CIROZ: variants seen among roughly 807,000 people sequenced by gnomAD.
CIROZ encodes the protein ciliated left-right organizer protein containing ZP-N domains, also known as ciliated left-right organizer ZP-N domains-containing protein.
At chr1:10,947,836 T>G in the CIROZ span, 1 of 1,602,210 alleles carries the variant, frequency 6.2e-7, no homozygotes, top group Non-Finnish European at 8.5e-7. Flanking sequence ...AACACTCCTG[T>G]GGGAGCCCAC....
At chr1:10,979,818 C>A in the CIROZ span, among the ~76,000 whole-genome samples, 1 of 152,152 alleles carries the variant, frequency 6.6e-6, no homozygotes, top group South Asian at 2.1e-4. Context: ...GAAGCGGAGG[C>A]GGGCGGATCA....
the CIROZ span, chr1:10,947,920 CA>C: frequency 5.0e-6 from 8 of 1,613,690 alleles, no homozygotes; most frequent in Non-Finnish European, 6.8e-6. Flanking sequence ...ACAGGCCAGC[CA>C]GGGGCTGACT....
At chr1:10,958,610 G>A in the CIROZ span, 1 of 1,364,038 alleles carries the variant, frequency 7.3e-7, no homozygotes, top group Non-Finnish European at 1.0e-6. Context: ...ACTCTCCGGA[G>A]GACAAGCAAA....
chr1:10,947,883 T>C, the CIROZ span: 4 of 1,612,536 alleles, frequency 2.5e-6, no homozygotes, highest in Non-Finnish European at 3.4e-6. Context: ...GCTGGACGTG[T>C]GTGCAACCCC....
the CIROZ span, chr1:10,949,458 A>T: frequency 1.2e-6 from 1 of 820,644 alleles, no homozygotes; most frequent in Non-Finnish European, 1.9e-6. Context: ...TATGGGAAAT[A>T]TTCTGAATTT....
the CIROZ span, among the ~76,000 whole-genome samples, chr1:10,961,743 A>G: frequency 6.6e-6 from 1 of 152,128 alleles, no homozygotes; most frequent in African/African-American, 2.4e-5. Context: ...CAGGAGTTCG[A>G]GACTAGCCTG....
At chr1:10,947,582 C>G in the CIROZ span, 9 of 1,207,872 alleles carry the variant, frequency 7.5e-6, no homozygotes, top group Non-Finnish European at 9.8e-6. Context: ...ACCTCCAGGC[C>G]GACCCATCAC....
At chr1:10,957,913 G>A in the CIROZ span, among the ~76,000 whole-genome samples, 1 of 152,202 alleles carries the variant, frequency 6.6e-6, no homozygotes, top group African/African-American at 2.4e-5. Flanking sequence ...TCTGGGAGGA[G>A]AGTCAACCAG....
chr1:10,954,623 C>T, the CIROZ span, among the ~76,000 whole-genome samples: 1 of 152,104 alleles, frequency 6.6e-6, no homozygotes, highest in Admixed American at 6.5e-5. Context: ...ACAGCTCTGC[C>T]CTCCACATTT....
At chr1:10,949,676 T>A in the CIROZ span, 1 of 1,606,510 alleles carries the variant, frequency 6.2e-7, no homozygotes, top group Non-Finnish European at 8.5e-7. Flanking sequence ...AAGCCATTCC[T>A]GGGCAGCTGG....
At chr1:10,953,492 C>A in the CIROZ span, among the ~76,000 whole-genome samples, 4 of 152,210 alleles carry the variant, frequency 2.6e-5, no homozygotes, top group Non-Finnish European at 5.9e-5. Context: ...AGCTGAGAAA[C>A]AAGTTGCATC....
chr1:10,957,509 G>T, the CIROZ span: 2 of 1,492,412 alleles, frequency 1.3e-6, no homozygotes, highest in Admixed American at 2.3e-5. Context: ...GTCCAGTCTC[G>T]CAGGTGGACA....
chr1:10,956,969 C>A, the CIROZ span: 80,293 of 1,427,634 alleles, frequency 0.056, 3,103 homozygotes, highest in East Asian at 0.2. Flanking sequence ...AGAAAACAGA[C>A]CAGAATGTGA....
the CIROZ span, among the ~76,000 whole-genome samples, chr1:10,964,733 C>T: frequency 6.6e-6 from 1 of 152,304 alleles, no homozygotes; most frequent in African/African-American, 2.4e-5. Context: ...CGGGTTCAAG[C>T]AATTCTTGTG....
chr1:10,961,845 G>T, the CIROZ span, among the ~76,000 whole-genome samples: 1 of 152,164 alleles, frequency 6.6e-6, no homozygotes, highest in Non-Finnish European at 1.5e-5. Context: ...GCGCATGCCT[G>T]TGATCCCATG....
chr1:10,964,435 A>G, the CIROZ span, among the ~76,000 whole-genome samples: 1 of 152,190 alleles, frequency 6.6e-6, no homozygotes, highest in African/African-American at 2.4e-5. Flanking sequence ...GTCGACACCA[A>G]CACGGAGCTT....
chr1:10,967,888 C>T, the CIROZ span, among the ~76,000 whole-genome samples: 1 of 152,222 alleles, frequency 6.6e-6, no homozygotes, highest in African/African-American at 2.4e-5. Flanking sequence ...GCAGGAGAAT[C>T]ACTTGAACCC....
At chr1:10,973,265 C>G in the CIROZ span, among the ~76,000 whole-genome samples, 47,421 of 151,910 alleles carry the variant, frequency 0.31, 8,744 homozygotes, top group African/African-American at 0.52. Flanking sequence ...CCCAGCTACT[C>G]GGGAAGCTGA....
the CIROZ span, among the ~76,000 whole-genome samples, chr1:10,963,364 G>A: frequency 6.6e-6 from 1 of 152,074 alleles, no homozygotes; most frequent in Non-Finnish European, 1.5e-5. Context: ...ACTCCAGCCT[G>A]GGCAACAGAG....
Sources: gnomAD v4.1 joint callset for allele counts (sites outside exome capture counted in the v4.1 genomes callset) on GRCh38, gnomAD v4.1.1 for gene constraint, MANE v1.5 for transcripts, NCBI Gene and HGNC (gene_info 2026-07-23, HGNC 2026-07-21) for gene names.